The following OPCML variants were observed in gnomAD, a reference collection of about 807,000 sequenced individuals.
The protein encoded by OPCML is opioid binding protein/cell adhesion molecule like.
Under a neutral mutation model 37.8 loss-of-function variants are expected in OPCML, and 13 were observed. The ratio of observed to expected loss-of-function variants is 0.34; its 90% confidence interval spans 0.22 to 0.55. OPCML has a LOEUF of 0.55. OPCML is among the 20% of genes least tolerant of loss of function. The probability of loss-of-function intolerance (pLI) is 0.91; values close to 1 mark genes in which losing one functional copy is unlikely to be tolerated. For missense variants in OPCML, 341 were observed against 435.6 expected (o/e 0.78, Z 1.93); for synonymous variants, 176 against 168.8 (o/e 1.04, Z -0.33).
At chr11:133,496,824 T>C (rs1164990933) in intron 1 of OPCML, among the ~76,000 whole-genome samples, 1 of 152,220 alleles carries the variant, frequency 6.6e-6, no homozygotes, top group Non-Finnish European at 1.5e-5. Flanking sequence ...GTTTTCAAGG[T>C]AAACGATTAT....
chr11:133,149,285 G>C (rs1949940982), intron 1 of OPCML, among the ~76,000 whole-genome samples: 1 of 152,140 alleles, frequency 6.6e-6, no homozygotes. Flanking sequence ...AGGTCCTACG[G>C]GAGATTCAGA....
At chr11:133,341,802 CA>C (rs1483352967) in intron 1 of OPCML, among the ~76,000 whole-genome samples, 1 of 152,068 alleles carries the variant, frequency 6.6e-6, no homozygotes, top group African/African-American at 2.4e-5. Context: ...CCTGTAATCC[CA>C]GCTACTCGGG....
chr11:132,700,783 G>C (rs1385957026), intron 2 of OPCML, among the ~76,000 whole-genome samples: 2 of 152,250 alleles, frequency 1.3e-5, no homozygotes, highest in East Asian at 3.9e-4. Context: ...TGTTCTGTAT[G>C]TGTCTGTTAG....
chr11:132,795,096 GTA>G (rs931090618), intron 2 of OPCML, among the ~76,000 whole-genome samples: 1 of 151,598 alleles, frequency 6.6e-6, no homozygotes, highest in African/African-American at 2.4e-5. Flanking sequence ...ATTCATATAC[GTA>G]TACACACACA....
At chr11:132,850,963 C>T (rs1009153896) in intron 2 of OPCML, among the ~76,000 whole-genome samples, 1 of 152,190 alleles carries the variant, frequency 6.6e-6, no homozygotes, top group African/African-American at 2.4e-5. Context: ...TCACTTGGGG[C>T]CCATAGGCCC....
At chr11:133,529,682 T>A (rs1009234893) in intron 1 of OPCML, among the ~76,000 whole-genome samples, 2 of 152,132 alleles carry the variant, frequency 1.3e-5, no homozygotes, top group Non-Finnish European at 2.9e-5. Flanking sequence ...CAGGTCAAGG[T>A]TCCATTATTA....
chr11:132,924,869 C>G (rs1248028557), intron 2 of OPCML, among the ~76,000 whole-genome samples: 3 of 133,178 alleles, frequency 2.3e-5, no homozygotes, highest in African/African-American at 9.6e-5. Context: ...CTGTTTCTTT[C>G]TCTCTTGCTT....
intron 1 of OPCML, among the ~76,000 whole-genome samples, chr11:133,091,356 G>A (rs1948903354): frequency 6.6e-6 from 1 of 152,210 alleles, no homozygotes; most frequent in Admixed American, 6.5e-5. Flanking sequence ...ACGTGTAGTG[G>A]AGCTGTGGGA....
intron 2 of OPCML, among the ~76,000 whole-genome samples, chr11:132,924,343 G>T (rs182075029): frequency 5.3e-5 from 8 of 152,136 alleles, no homozygotes; most frequent in African/African-American, 1.9e-4. Context: ...GGTCTCTGTT[G>T]TTGCTCAGAC....
intron 2 of OPCML, among the ~76,000 whole-genome samples, chr11:132,685,601 T>C (rs994632092): frequency 6.6e-6 from 1 of 152,232 alleles, no homozygotes; most frequent in Admixed American, 6.5e-5. Flanking sequence ...ATTACATGTT[T>C]GAAGGAGTTA....
intron 1 of OPCML, among the ~76,000 whole-genome samples, chr11:133,017,163 C>T (rs1947349595): frequency 6.6e-6 from 1 of 152,126 alleles, no homozygotes; most frequent in African/African-American, 2.4e-5. Context: ...AAAGAAGACA[C>T]TAACTGATTT....
At chr11:132,624,503 C>A (rs1591638782) in intron 3 of OPCML, among the ~76,000 whole-genome samples, 1 of 152,290 alleles carries the variant, frequency 6.6e-6, no homozygotes, top group African/African-American at 2.4e-5. Context: ...TCCTTCCATT[C>A]TCTTCCAGGG....
intron 3 of OPCML, among the ~76,000 whole-genome samples, chr11:132,601,118 A>AT (rs1264401579): frequency 3.3e-5 from 5 of 152,300 alleles, no homozygotes; most frequent in Admixed American, 1.3e-4. Flanking sequence ...TAAAATGACT[A>AT]TTTGGGGTTA....
chr11:132,701,714 C>G (rs1227907784), intron 2 of OPCML, among the ~76,000 whole-genome samples: 2 of 149,964 alleles, frequency 1.3e-5, no homozygotes, highest in Non-Finnish European at 3.0e-5. Context: ...TTTGTGGTTT[C>G]TTTTTTCCTT....
chr11:132,808,646 G>C (rs898090168), intron 2 of OPCML, among the ~76,000 whole-genome samples: 1 of 152,116 alleles, frequency 6.6e-6, no homozygotes, highest in Admixed American at 6.5e-5. Context: ...TATGACTGTC[G>C]TCTTTCCTTG....
chr11:132,623,656 G>T (rs531635385), intron 3 of OPCML, among the ~76,000 whole-genome samples: 1 of 152,286 alleles, frequency 6.6e-6, no homozygotes, highest in African/African-American at 2.4e-5. Context: ...CTGAAAATGT[G>T]TGGGTGGGCA....
intron 2 of OPCML, among the ~76,000 whole-genome samples, chr11:132,770,270 G>A (rs948431147): frequency 1.3e-5 from 2 of 152,110 alleles, no homozygotes; most frequent in Admixed American, 6.5e-5. Context: ...TTTTTGTTGA[G>A]TGTGTTTAGT....
intron 1 of OPCML, among the ~76,000 whole-genome samples, chr11:133,136,828 CGTGTGTGTGTGT>C (rs141952561): frequency 0.011 from 1,435 of 126,368 alleles, 25 homozygotes; most frequent in African/African-American, 0.035. Flanking sequence ...TCTATGTGCA[CGTGTGTGTGTGT>C]GTGTGTGTGT....
chr11:133,377,778 T>C (rs1224742835), intron 1 of OPCML, among the ~76,000 whole-genome samples: 1 of 152,026 alleles, frequency 6.6e-6, no homozygotes, highest in Non-Finnish European at 1.5e-5. Context: ...CCTCACTAAA[T>C]TATCTCTGTT....
Sources: allele counts gnomAD v4.1 joint callset (sites outside exome capture counted in the v4.1 genomes callset), GRCh38; gene constraint gnomAD v4.1.1; transcripts MANE v1.5; gene names NCBI Gene and HGNC (gene_info 2026-07-23, HGNC 2026-07-21).